TMEM167A: variants seen among roughly 807,000 people sequenced by gnomAD.
The protein encoded by TMEM167A is protein kish-A.
TMEM167A carries 8 observed loss-of-function variants against 11.6 expected under a neutral mutation model. That is an observed-to-expected ratio of 0.69 (90% confidence interval 0.40 to 1.24). The LOEUF is 1.24. TMEM167A is among the 50% of genes most tolerant of loss of function. The pLI, the probability that TMEM167A is intolerant of heterozygous loss-of-function variation, is 0.01. For missense variants in TMEM167A, 62 were observed against 87.0 expected, an observed-to-expected ratio of 0.71 and a Z score of 1.14; for synonymous variants, 22 against 28.0, an observed-to-expected ratio of 0.79 and a Z score of 0.67.
In TMEM167A at chr5:83,057,126, T is replaced by C; in HGVS notation, c.177A>G (p.Val59=). The C allele has an allele frequency of 1.2e-6, 2 of 1,612,262 alleles. No individual in the cohort carries two copies. Among genetic ancestry groups the C allele is most frequent in the African/African-American group, 1.3e-5 (1 of 74,934 alleles). Residue 59 remains valine (V), a synonymous_variant, in exon 4 of 4, where the codon GTA becomes GTG. Transcript: ENST00000502346. Reference sequence around the variant, plus strand: ...TGCTGAAGGCCATTACTATACAGCATACTGCAACATAAGGACTCTTCCGTT... The same window carrying C: ...TGCTGAAGGCCATTACTATACAGCACACTGCAACATAAGGACTCTTCCGTT... The part of the protein sequence containing the change: ...IGERKSPYVA[V]CCIVMAFSIL...
At chr5:83,074,796 G>C (rs1490369152) in intron 1 of TMEM167A, among the ~76,000 whole-genome samples, 1 of 150,436 alleles carries the variant, frequency 6.6e-6, no homozygotes. Context: ...TTGAGATGGA[G>C]TTTCGCTCTT....
At chr5:83,065,317 T>C (rs1744466308) in intron 1 of TMEM167A, among the ~76,000 whole-genome samples, 200 bp from the exon 2 acceptor site, 2 of 152,150 alleles carry the variant, frequency 1.3e-5, no homozygotes, top group East Asian at 1.9e-4. Context: ...TTTATGGCCT[T>C]AGCAGAATTA....
intron 1 of TMEM167A, among the ~76,000 whole-genome samples, chr5:83,074,596 TTC>T: frequency 6.6e-6 from 1 of 152,036 alleles, no homozygotes; most frequent in African/African-American, 2.4e-5. Context: ...CAAGTAAAGG[TTC>T]GGAACTGGAA....
intron 1 of TMEM167A, among the ~76,000 whole-genome samples, chr5:83,073,013 C>CGGTG (rs1264572006): frequency 1.3e-5 from 2 of 152,208 alleles, no homozygotes; most frequent in Non-Finnish European, 2.9e-5. Flanking sequence ...CTGCTACCTC[C>CGGTG]TCACCCACTC....
Position 83,064,162 on chromosome 5 carries a change from C to T in TMEM167A, c.113+846G>A, listed in dbSNP as rs750822163. 3 of 499,132 alleles carry T rather than the reference C, an allele frequency of 6.0e-6. No homozygotes were observed. The East Asian group carries it at 1.7e-4, about 28-fold the overall frequency. 30.9% of individuals were successfully genotyped at this position (499,132 alleles called of 1,614,324 possible). A position where few individuals can be genotyped will look rare whatever the true frequency, so the allele number is the denominator to read the frequency against. On this transcript the variant is annotated intron_variant, in intron 2 of 3. Transcript: ENST00000502346. ...TTTCAAACAGTTGACTGTATTAGTA[C>T]ATATTTTAAAATGTAAAAATAGGCA...
chr5:83,066,770 G>A (rs773582144), intron 1 of TMEM167A, among the ~76,000 whole-genome samples: 4 of 152,164 alleles, frequency 2.6e-5, no homozygotes, highest in Non-Finnish European at 5.9e-5. Flanking sequence ...GGGGTGGTGG[G>A]GGGTAGATCT....
intron 1 of TMEM167A, among the ~76,000 whole-genome samples, chr5:83,067,980 TAATTA>T (rs4005053): frequency 0.31 from 47,760 of 151,702 alleles, 8,703 homozygotes; most frequent in Non-Finnish European, 0.42. Flanking sequence ...TCTTGGGTTT[TAATTA>T]AATTGGGTTT....
chr5:83,061,512 G>C lies in TMEM167A; in HGVS notation c.148+365C>G, dbSNP rs575702665. ...CAACCTTCGCCTCTCGGGTTCAAGA[G>C]ATCCTTCTGCCTCAGCCTCCTGAGT... On this transcript the variant is annotated intron_variant, in intron 3 of 3. Transcript: ENST00000502346. 5.9e-5 allele frequency among the ~76,000 whole-genome samples: 9 copies of C among 152,216 alleles called. No homozygotes were observed. In the South Asian group the frequency reaches 1.7e-3, roughly 28 times the overall value.
chr5:83,064,999 G>A lies in TMEM167A; in HGVS notation c.113+9C>T, dbSNP rs779852721. On this transcript the variant is annotated intron_variant, in intron 2 of 3. Transcript: ENST00000502346. ...TAATTTGGGTGATTAGACATCATTA[G>A]TAACATACCCAGTTTTATTTCTGTC... 3.9e-6 allele frequency: 6 copies of A among 1,542,504 alleles called. No individual in the cohort carries two copies. Among genetic ancestry groups the A allele is most frequent in the Middle Eastern group, 2.3e-4 (1 of 4,374 alleles).
intron 2 of TMEM167A, among the ~76,000 whole-genome samples, chr5:83,063,788 T>C (rs748790215): frequency 7.2e-5 from 11 of 152,096 alleles, no homozygotes; most frequent in Non-Finnish European, 1.0e-4. Flanking sequence ...TACCAATAAG[T>C]ATATTTGCTG....
In TMEM167A at chr5:83,054,062, A is replaced by C. The variant is rs1003598207; in HGVS notation, c.*3022T>G. On this transcript the variant is annotated 3_prime_UTR_variant, in exon 4 of 4. Transcript: ENST00000502346. ...GAGATCTGCTCATTTTTACTCTGTA[A>C]ACTTGGAAAAGTTAATTTATTCAAT... 1 of 152,004 alleles carries C rather than the reference A, an allele frequency of 6.6e-6. No individual in the cohort carries two copies. The allele number at this position is 152,004 out of a possible 1,614,324, so 9.4% of individuals were successfully genotyped here.
intron 1 of TMEM167A, among the ~76,000 whole-genome samples, chr5:83,073,722 G>C (rs182687280): frequency 2.6e-5 from 4 of 152,254 alleles, no homozygotes; most frequent in Middle Eastern, 3.4e-3. Context: ...TGCAGACATG[G>C]GAAGAACAGA....
chr5:83,066,160 GAAT>G (rs1744478467), intron 1 of TMEM167A, among the ~76,000 whole-genome samples: 1 of 152,088 alleles, frequency 6.6e-6, no homozygotes, highest in African/African-American at 2.4e-5. Context: ...GAAAGTGCAA[GAAT>G]ATTACTGTGT....
rs1744339188 is a variant in TMEM167A, at chr5:83,056,829, C to T, written c.*255G>A. On this transcript the variant is annotated 3_prime_UTR_variant, in exon 4 of 4. Transcript: ENST00000502346. ...CACTAAAATTTTGTATCTGATACAA[C>T]AGAATAACATTTGCAGAATGTAATA... is the stretch of plus-strand genomic sequence containing the variant. 8.2e-6 allele frequency: 4 copies of T among 486,672 alleles called. No homozygotes were observed. Among genetic ancestry groups the T allele is most frequent in the Non-Finnish European group, 1.5e-5 (4 of 274,028 alleles). 30.1% of individuals were successfully genotyped at this position (486,672 alleles called of 1,614,324 possible). A position where few individuals can be genotyped will look rare whatever the true frequency, so the allele number is the denominator to read the frequency against.
intron 3 of TMEM167A, among the ~76,000 whole-genome samples, chr5:83,058,382 T>C (rs1744362366): frequency 6.6e-6 from 1 of 152,100 alleles, no homozygotes; most frequent in Non-Finnish European, 1.5e-5. Context: ...AGACATTTAA[T>C]GGACTGCCTT....
intron 3 of TMEM167A, among the ~76,000 whole-genome samples, chr5:83,060,675 C>A (rs891294965): frequency 5.9e-5 from 9 of 151,552 alleles, no homozygotes; most frequent in African/African-American, 2.2e-4. Flanking sequence ...ACTAAAAATA[C>A]AAAAAATTAG....
intron 2 of TMEM167A, among the ~76,000 whole-genome samples, chr5:83,062,270 T>C (rs76842925): frequency 1.3e-5 from 2 of 152,180 alleles, no homozygotes; most frequent in Non-Finnish European, 2.9e-5. Context: ...AGCATCAATT[T>C]TGATAAAATG....
intron 1 of TMEM167A, among the ~76,000 whole-genome samples, chr5:83,074,401 T>C (rs1187690252): frequency 6.6e-6 from 1 of 152,204 alleles, no homozygotes; most frequent in Non-Finnish European, 1.5e-5. Flanking sequence ...TACTACTCCT[T>C]CCACTGTGTT....
chr5:83,052,991 T>C lies in TMEM167A; in HGVS notation c.*4093A>G, dbSNP rs767678101. ...GATATTGGAGTAGCATTTCAGATTT[T>C]GGAGATTAGCTTAGGGCAAAGTAAA... On this transcript the variant is annotated 3_prime_UTR_variant, in exon 4 of 4. Transcript: ENST00000502346. The C allele has an allele frequency of 3.3e-5, 5 of 152,026 alleles. No individual in the cohort carries two copies. The highest frequency in any genetic ancestry group is 6.6e-5 in the Admixed American group (1 of 15,216). 9.4% of individuals were successfully genotyped at this position (152,026 alleles called of 1,614,324 possible).
Sources: gnomAD v4.1 joint callset for allele counts (sites outside exome capture counted in the v4.1 genomes callset) on GRCh38, gnomAD v4.1.1 for gene constraint, MANE v1.5 for transcripts, NCBI Gene and HGNC (gene_info 2026-07-23, HGNC 2026-07-21) for gene names.